The following TTC34 variants were observed in gnomAD, a reference collection of about 807,000 sequenced individuals.
TTC34 encodes tetratricopeptide repeat protein 34.
TTC34 carries 44 observed loss-of-function variants against 40.7 expected under a neutral mutation model. That is an observed-to-expected ratio of 1.08 (90% confidence interval 0.85 to 1.39). The LOEUF (loss-of-function observed/expected upper bound fraction) is 1.39. TTC34 is among the 40% of genes most tolerant of loss of function. The probability of loss-of-function intolerance (pLI) is 0.00; values close to 1 mark genes in which losing one functional copy is unlikely to be tolerated. For missense variants in TTC34, 884 were observed against 838.0 expected, an observed-to-expected ratio of 1.05 and a Z score of -0.68; for synonymous variants, 422 against 398.6, an observed-to-expected ratio of 1.06 and a Z score of -0.70.
chr1:2,699,193 C>G (rs1239108732), intron 6 of TTC34, among the ~76,000 whole-genome samples: 1 of 147,226 alleles, frequency 6.8e-6, no homozygotes, highest in African/African-American at 2.5e-5. Context: ...ATCTGACAAC[C>G]TGGAGCAGCA....
At chr1:2,801,162 G>A (rs1366154632) in intron 1 of TTC34, among the ~76,000 whole-genome samples, 1 of 152,156 alleles carries the variant, frequency 6.6e-6, no homozygotes, top group Non-Finnish European at 1.5e-5. Flanking sequence ...ACCCCTGAGT[G>A]TCCATGTCGG....
In TTC34 at chr1:2,645,587, G is replaced by GC; in HGVS notation, c.2227-25_2227-24insG. ...TCCTGCAAGGAGGGAGGGCGGGCGG[G>GC]TGCAGAGTTGTCCTAAGTAGAGAAA... On this transcript the variant is annotated intron_variant, in intron 6 of 8. Coordinates refer to ENST00000401095, the Ensembl canonical transcript of TTC34. This position sits in a 1 kb window ranked among gnomAD's most constrained non-coding sequence, Gnocchi z 4.7. 1.1e-4 allele frequency: 25 copies of GC among 229,512 alleles called. No individual in the cohort carries two copies. The highest frequency in any genetic ancestry group is 1.5e-4 in the Non-Finnish European group (18 of 116,440). 14.2% of individuals were successfully genotyped at this position (229,512 alleles called of 1,614,324 possible). A position where few individuals can be genotyped will look rare whatever the true frequency, so the allele number is the denominator to read the frequency against.
At chr1:2,644,604 C>T in intron 7 of TTC34, 126 bp from the exon 8 acceptor site, 4 of 1,006,056 alleles carry the variant, frequency 4.0e-6, no homozygotes, top group Non-Finnish European at 5.7e-6. Context: ...TGGCTCAGCC[C>T]AGGAAGAAGG....
chr1:2,642,023 G>C, intron 8 of TTC34, 128 bp from the exon 9 acceptor site: 1 of 1,084,230 alleles, frequency 9.2e-7, no homozygotes, highest in South Asian at 1.8e-5. Flanking sequence ...GGGGCCCTGG[G>C]CTGCACAGGA....
At chr1:2,691,292 GC>G (rs1347043416) in intron 6 of TTC34, among the ~76,000 whole-genome samples, 1 of 94,302 alleles carries the variant, frequency 1.1e-5, no homozygotes, top group African/African-American at 3.7e-5. Context: ...GCCTGGAGCA[GC>G]ACCCACAACC....
rs1482386983 is a variant in TTC34, at chr1:2,699,310, C to T, written c.2227-53747G>A. Among the ~76,000 whole-genome samples, 4 of 98,282 alleles carry T rather than the reference C, an allele frequency of 4.1e-5. 1 individual carries two copies. The highest frequency in any genetic ancestry group is 1.0e-4 in the African/African-American group (3 of 29,022). 64.5% of individuals were successfully genotyped at this position (98,282 alleles called of 152,430 possible). On this transcript the variant is annotated intron_variant, in intron 6 of 8. Transcript: ENST00000401095. ...CCACACCCCCAGGCGAGCATCTGAC[C>T]GCATGGAGCAGCAGCCACAACTCCA...
chr1:2,652,727 C>A (rs527781460), intron 6 of TTC34, among the ~76,000 whole-genome samples: 87 of 152,162 alleles, frequency 5.7e-4, no homozygotes, highest in Middle Eastern at 3.4e-3. Flanking sequence ...CACCCACACC[C>A]CCAGGTGAGC....
Position 2,790,173 on chromosome 1 carries a change from G to A in TTC34, c.958C>T (p.Gln320Ter), listed in dbSNP as rs1306683920. The stretch of plus-strand genomic sequence containing the variant: ...CCCACGTCCGCGGCCTCCTGCGCCT[G>A]AGCCCGGACGCGCTCCTGGTCCTGG... Residue 320 changes from glutamine (Q) to a stop codon, truncating the protein, a stop_gained, in exon 3 of 9, where the codon CAG (glutamine) becomes TAG (stop). Transcript: ENST00000401095. LOFTEE classifies it high-confidence loss of function. 2.5e-6 allele frequency: 1 copy of A among 398,298 alleles called. No individual in the cohort carries two copies. Among genetic ancestry groups the A allele is most frequent in the African/African-American group, 2.1e-5 (1 of 48,634 alleles). 24.7% of individuals were successfully genotyped at this position (398,298 alleles called of 1,614,324 possible).
chr1:2,784,305 CTT>C (rs1363622980), intron 5 of TTC34, among the ~76,000 whole-genome samples: 1 of 152,190 alleles, frequency 6.6e-6, no homozygotes, highest in Admixed American at 6.5e-5. Context: ...GCCTTTAAGA[CTT>C]TCACTATTCC....
chr1:2,781,342 T>A (rs1009264139), intron 6 of TTC34, among the ~76,000 whole-genome samples: 1 of 152,264 alleles, frequency 6.6e-6, no homozygotes, highest in Admixed American at 6.5e-5. Context: ...TTGTTCATTA[T>A]TAATGTATAA....
intron 6 of TTC34, among the ~76,000 whole-genome samples, chr1:2,656,361 GAAC>G: frequency 7.4e-6 from 1 of 134,304 alleles, no homozygotes; most frequent in East Asian, 2.2e-4. Flanking sequence ...TGACAGCCTG[GAAC>G]AGCACCCACA....
At chr1:2,755,040 G>A (rs1641459698) in intron 6 of TTC34, among the ~76,000 whole-genome samples, 1 of 67,104 alleles carries the variant, frequency 1.5e-5, no homozygotes, top group Admixed American at 1.4e-4. Flanking sequence ...GCATCTGACA[G>A]CCTGGAACAG....
chr1:2,773,279 C>T (rs1460648550), intron 6 of TTC34, among the ~76,000 whole-genome samples: 2 of 118,526 alleles, frequency 1.7e-5, no homozygotes, highest in African/African-American at 5.8e-5. Context: ...CATCTGACAG[C>T]CTGGGGCGGC....
Position 2,800,993 on chromosome 1 carries a change from A to G in TTC34, c.-41-125T>C, listed in dbSNP as rs1569982983. The G allele has an allele frequency of 1.0e-5, 4 of 397,052 alleles. No homozygotes were observed. The East Asian group carries it at 1.4e-4, about 14-fold the overall frequency. 24.6% of individuals were successfully genotyped at this position (397,052 alleles called of 1,614,324 possible). ...TGACCCCACGGTCAGTGCAGACCCC[A>G]CTGGGTGAAAACTGGGGGGATCCTG... On this transcript the variant is annotated intron_variant, in intron 1 of 8. Coordinates refer to ENST00000401095, the Ensembl canonical transcript of TTC34.
exon 5 of TTC34, chr1:2,785,911 A>G (rs1449610139): frequency 7.8e-6 from 12 of 1,536,748 alleles, no homozygotes; most frequent in African/African-American, 1.4e-5. Context: ...CAGGATGGCC[A>G]GGGCCCTGGC....
intron 2 of TTC34, among the ~76,000 whole-genome samples, chr1:2,798,784 C>T (rs1406629892): frequency 2.7e-5 from 3 of 109,376 alleles, no homozygotes; most frequent in Non-Finnish European, 5.6e-5. Flanking sequence ...CCTCCCAGCC[C>T]CCCAGCCTCC....
At chr1:2,700,403 G>A (rs1641077597) in intron 6 of TTC34, among the ~76,000 whole-genome samples, 1 of 109,648 alleles carries the variant, frequency 9.1e-6, no homozygotes, top group Admixed American at 1.0e-4. Context: ...GCCTGGAGCA[G>A]CACCCACACC....
At chr1:2,674,256 CA>C (rs1557599042) in intron 6 of TTC34, among the ~76,000 whole-genome samples, 2 of 87,292 alleles carry the variant, frequency 2.3e-5, no homozygotes, top group African/African-American at 7.5e-5. Context: ...GAGAATCTGA[CA>C]GCCTGGAAGA....
At chr1:2,654,144 C>T (rs6678990) in intron 6 of TTC34, among the ~76,000 whole-genome samples, 37 of 140,302 alleles carry the variant, frequency 2.6e-4, no homozygotes, top group Admixed American at 8.4e-4. Flanking sequence ...AGGCGAGCAT[C>T]TGAACGCACG....
Sources: allele counts gnomAD v4.1 joint callset (sites outside exome capture counted in the v4.1 genomes callset), GRCh38; gene constraint gnomAD v4.1.1; non-coding constraint Gnocchi (gnomAD v3.1); transcripts MANE v1.5; gene names NCBI Gene and HGNC (gene_info 2026-07-23, HGNC 2026-07-21).